Variants in FOLH1 observed in about 807,000 individuals in gnomAD.
The protein encoded by FOLH1 is glutamate carboxypeptidase 2.
Under a neutral mutation model 93.9 loss-of-function variants are expected in FOLH1, and 54 were observed. The observed-to-expected ratio is 0.57, with a 90% CI of 0.46 to 0.72. The LOEUF (loss-of-function observed/expected upper bound fraction) is 0.72, where lower values mean the gene tolerates loss of function less well. Ranked by LOEUF, FOLH1 falls within the 30% of genes least tolerant of loss-of-function variation. FOLH1 has a pLI of 0.00. For synonymous variants in FOLH1, 249 were observed against 303.6 expected, an observed-to-expected ratio of 0.82 and a Z score of 1.87; for missense variants, 571 against 892.5, an observed-to-expected ratio of 0.64 and a Z score of 4.59.
At chr11:49,183,009 T>TA in intron 7 of FOLH1, 140 bp downstream of exon 7, 2 of 639,750 alleles carry the variant, frequency 3.1e-6, no homozygotes, top group Non-Finnish European at 5.3e-6. Flanking sequence ...ACCACTCTTC[T>TA]ATTTTATACT....
intron 12 of FOLH1, among the ~76,000 whole-genome samples, chr11:49,166,276 G>C (rs1286182563): frequency 6.6e-6 from 1 of 152,216 alleles, no homozygotes; most frequent in Non-Finnish European, 1.5e-5. Context: ...AGAGACAATA[G>C]AGTGTAGTGG....
chr11:49,159,696 T>C (rs1216904102), intron 13 of FOLH1, among the ~76,000 whole-genome samples: 2 of 152,156 alleles, frequency 1.3e-5, no homozygotes, highest in African/African-American at 2.4e-5. Flanking sequence ...ATAGTTTCAA[T>C]AGAAATAGTA....
At chr11:49,179,558 T>C (rs1860487590) in intron 7 of FOLH1, among the ~76,000 whole-genome samples, 1 of 151,990 alleles carries the variant, frequency 6.6e-6, no homozygotes, top group Non-Finnish European at 1.5e-5. Context: ...TTGAGATGAA[T>C]GAAAATGAAG....
rs1855818347 is a variant in FOLH1, at chr11:49,146,839, C to A, written c.2170G>T (p.Ala724Ser). ...DIESKVDPSK[A>S]WGEVKRQIYV... ...ATCTGTCTCTTCACTTCTCCCCAGG[C>A]CTTGGAAGGGTCCACTTTGCTTTCA... The change falls in exon 19 of 19, where the codon GCC (alanine) becomes TCC (serine). Residue 724 changes from alanine (A) to serine (S), a missense_variant. By Grantham distance (99) the Ala-to-Ser change is moderately conservative. Around this residue, in one of 2 missense-constraint regions of FOLH1, gnomAD observed 500 missense variants for 822.9 expected, o/e 0.61. Coordinates refer to ENST00000256999, the MANE Select transcript of FOLH1 (RefSeq NM_004476.3). 2 of 1,613,416 alleles carry A rather than the reference C, an allele frequency of 1.2e-6. No individual in the cohort carries two copies. The highest frequency in any genetic ancestry group is 1.7e-6 in the Non-Finnish European group (2 of 1,179,656).
chr11:49,199,869 C>A (rs1863078210), intron 3 of FOLH1, among the ~76,000 whole-genome samples: 1 of 151,640 alleles, frequency 6.6e-6, no homozygotes, highest in Non-Finnish European at 1.5e-5. Flanking sequence ...CGAGATGGCA[C>A]CACTGCACTC....
At chr11:49,175,480 C>G (rs1003629918) in intron 8 of FOLH1, among the ~76,000 whole-genome samples, 1 of 152,100 alleles carries the variant, frequency 6.6e-6, no homozygotes, top group African/African-American at 2.4e-5. Flanking sequence ...CATTGTCTTC[C>G]TTCTGCAGGA....
intron 18 of FOLH1, among the ~76,000 whole-genome samples, chr11:49,147,191 T>A (rs1855866446): frequency 1.3e-5 from 2 of 152,194 alleles, no homozygotes; most frequent in Non-Finnish European, 2.9e-5. Flanking sequence ...ATGATGATAG[T>A]AACCACAGCA....
chr11:49,165,568 C>A (rs1252555507), intron 12 of FOLH1, among the ~76,000 whole-genome samples: 1 of 152,122 alleles, frequency 6.6e-6, no homozygotes, highest in African/African-American at 2.4e-5. Context: ...GACAAATTCA[C>A]AAACTTGGAG....
chr11:49,149,352 T>C (rs1036403323), intron 17 of FOLH1, among the ~76,000 whole-genome samples: 17 of 152,142 alleles, frequency 1.1e-4, no homozygotes, highest in African/African-American at 3.9e-4. Flanking sequence ...ATTAACTTGC[T>C]CTGCCTCAGT....
chr11:49,157,874 A>G, intron 14 of FOLH1, 78 bp downstream of exon 14: 1 of 1,341,554 alleles, frequency 7.5e-7, no homozygotes, highest in Non-Finnish European at 1.0e-6. Flanking sequence ...TTTTCACTTA[A>G]TGATTGAAAG....
chr11:49,169,730 C>T (rs1321288769), intron 11 of FOLH1, among the ~76,000 whole-genome samples: 1 of 152,146 alleles, frequency 6.6e-6, no homozygotes, highest in Non-Finnish European at 1.5e-5. Flanking sequence ...GAACTTAAAT[C>T]ATCTCCTGAC....
intron 13 of FOLH1, among the ~76,000 whole-genome samples, chr11:49,162,267 G>C (rs1203801075): frequency 6.6e-6 from 1 of 151,916 alleles, no homozygotes; most frequent in Non-Finnish European, 1.5e-5. Flanking sequence ...ACACCAATCA[G>C]TCATAGATTC....
chr11:49,186,943 T>C lies in FOLH1; in HGVS notation c.514-174A>G, dbSNP rs1861454551. ...GGGAAAAATGAATTTAAATTGAGAA[T>C]GGAATTAGATGGGCTAGAAGCACAT... On this transcript the variant is annotated intron_variant, in intron 4 of 18. Transcript: ENST00000256999. Among the ~76,000 whole-genome samples, 4 of 152,240 alleles carry C rather than the reference T, an allele frequency of 2.6e-5. No homozygotes were observed. In the South Asian group the frequency reaches 8.3e-4, roughly 32 times the overall value.
In FOLH1 at chr11:49,195,091, CCAAA is replaced by C. The variant is rs146857922; in HGVS notation, c.412-2201_412-2198del. On this transcript the variant is annotated intron_variant, in intron 3 of 18. Transcript: ENST00000256999. Reference sequence around the variant, plus strand: ...TAATGTACAAATACAAAATATTAAACCAAACAACCATCAAATACATGTTTTTCCC... The same window carrying C: ...TAATGTACAAATACAAAATATTAAACCAACCATCAAATACATGTTTTTCCC... 2.9e-3 allele frequency among the ~76,000 whole-genome samples: 435 copies of C among 152,090 alleles called. 1 individual carries two copies. The highest frequency in any genetic ancestry group is 9.9e-3 in the African/African-American group (412 of 41,514).
At chr11:49,170,747 C>T (rs1189567544) in intron 11 of FOLH1, among the ~76,000 whole-genome samples, 1 of 152,146 alleles carries the variant, frequency 6.6e-6, no homozygotes, top group Non-Finnish European at 1.5e-5. Context: ...TTTGAAATAG[C>T]TTAATTCCCT....
chr11:49,158,818 T>C (rs1355455563), intron 13 of FOLH1, among the ~76,000 whole-genome samples: 1 of 152,190 alleles, frequency 6.6e-6, no homozygotes, highest in Admixed American at 6.5e-5. Context: ...AGAGCAGTGG[T>C]TTGTAGTTCT....
Position 49,208,282 on chromosome 11 carries a change from G to A in FOLH1, c.118+10C>T, listed in dbSNP as rs1359216604. 2.0e-5 allele frequency: 31 copies of A among 1,525,806 alleles called. No homozygotes were observed. The highest frequency in any genetic ancestry group is 2.7e-5 in the Non-Finnish European group (30 of 1,127,764). 94.5% of individuals were successfully genotyped at this position (1,525,806 alleles called of 1,614,324 possible). A position where few individuals can be genotyped will look rare whatever the true frequency, so the allele number is the denominator to read the frequency against. ...GACTCCGAGGTTTGCTCCGCGAGGC[G>A]CCCCCCTACCGAAGAGGAAGCCGAG... On this transcript the variant is annotated intron_variant, in intron 1 of 18. Coordinates refer to ENST00000256999, the MANE Select transcript of FOLH1 (RefSeq NM_004476.3).
intron 13 of FOLH1, among the ~76,000 whole-genome samples, chr11:49,162,397 G>C (rs756402180): frequency 1.3e-5 from 2 of 151,572 alleles, no homozygotes; most frequent in Non-Finnish European, 2.9e-5. Flanking sequence ...TCCTTCACTT[G>C]GTCTATACTG....
At chr11:49,201,023 T>C (rs1863202748) in intron 2 of FOLH1, among the ~76,000 whole-genome samples, 1 of 152,012 alleles carries the variant, frequency 6.6e-6, no homozygotes, top group Admixed American at 6.5e-5. Flanking sequence ...ATGACAATAA[T>C]TAGTCTGAAG....
Sources: gnomAD v4.1 joint callset for allele counts (sites outside exome capture counted in the v4.1 genomes callset) on GRCh38, gnomAD v4.1.1 for gene constraint, gnomAD v4.1.1 regional missense constraint, MANE v1.5 for transcripts, NCBI Gene and HGNC (gene_info 2026-07-23, HGNC 2026-07-21) for gene names.